SLC7A14: variants seen among roughly 807,000 people sequenced by gnomAD.
SLC7A14 encodes solute carrier family 7 member 14.
SLC7A14 carries 37 observed loss-of-function variants against 60.2 expected under a neutral mutation model. The observed-to-expected ratio is 0.61, with a 90% CI of 0.47 to 0.81. The LOEUF (loss-of-function observed/expected upper bound fraction) is 0.81, where lower values mean the gene tolerates loss of function less well. Among genes scored for constraint, SLC7A14 ranks in the 30% least tolerant of loss-of-function variants. SLC7A14 has a pLI of 0.00. For synonymous variants in SLC7A14, 399 were observed against 395.8 expected, an observed-to-expected ratio of 1.01 and a Z score of -0.10; for missense variants, 886 against 982.7, an observed-to-expected ratio of 0.90 and a Z score of 1.32.
At chr3:170,479,399 A>T (rs12497049) in intron 7 of SLC7A14, among the ~76,000 whole-genome samples, 80,495 of 152,074 alleles carry the variant, frequency 0.53, 23,181 homozygotes, top group Middle Eastern at 0.67. Context: ...AGTTCTTACT[A>T]GCATCAATCC....
chr3:170,533,772 G>A (rs1047844487), intron 1 of SLC7A14, among the ~76,000 whole-genome samples: 3 of 152,100 alleles, frequency 2.0e-5, no homozygotes, highest in African/African-American at 4.8e-5. Flanking sequence ...TTAGATGTAC[G>A]ATTGGCTTTA....
intron 1 of SLC7A14, among the ~76,000 whole-genome samples, chr3:170,531,080 G>A (rs1713666491): frequency 6.6e-6 from 1 of 152,184 alleles, no homozygotes; most frequent in African/African-American, 2.4e-5. Flanking sequence ...TAATTTGCCT[G>A]AAGTATGGCC....
rs146830635 is a variant in SLC7A14, at chr3:170,467,130, C to T, written c.2241G>A (p.Ala747=). The change falls in exon 8 of 8, where the codon GCG becomes GCA. Residue 747 remains alanine, a synonymous_variant. Transcript: ENST00000231706. ...TCTGTTTGTGTTTGCTTTTGCTCTT[C>T]GCTTTGCTACTTGTCCGGCCGTTTG... ...AKANGRTSSK[A]KSKSKHKQNS... 6.6e-5 allele frequency: 106 copies of T among 1,614,238 alleles called. No homozygotes were observed. The African/African-American group carries it at 8.1e-4, about 12-fold the overall frequency.
At chr3:170,557,221 T>C (rs1714510224) in intron 1 of SLC7A14, among the ~76,000 whole-genome samples, 1 of 152,206 alleles carries the variant, frequency 6.6e-6, no homozygotes, top group Non-Finnish European at 1.5e-5. Flanking sequence ...CATCCAGGAC[T>C]TTCTAACAGG....
chr3:170,572,820 G>A (rs1714991403), intron 1 of SLC7A14, among the ~76,000 whole-genome samples: 3 of 152,210 alleles, frequency 2.0e-5, no homozygotes, highest in Admixed American at 2.0e-4. Flanking sequence ...TAGAAAGTGT[G>A]TCAAAAGTCT....
intron 1 of SLC7A14, among the ~76,000 whole-genome samples, chr3:170,536,814 TCTC>T (rs1713855767): frequency 2.6e-5 from 4 of 152,144 alleles, no homozygotes; most frequent in Non-Finnish European, 5.9e-5. Context: ...AAAATTCTGG[TCTC>T]CTCATCCCAA....
In SLC7A14 at chr3:170,585,054, G is replaced by T. The variant is rs1241830749; in HGVS notation, c.-153+857C>A. ...GCAATATAAAATACTCATTTGGGGA[G>T]GGGGCAGGGTGACACAGGAGAGAGA... On this transcript the variant is annotated intron_variant, in intron 1 of 7. Transcript: ENST00000231706. The surrounding 1 kb of genome is among the most constrained non-coding windows in gnomAD (Gnocchi z 5.1). Among the ~76,000 whole-genome samples, 2 of 152,198 alleles carry T rather than the reference G, an allele frequency of 1.3e-5. No homozygotes were observed. Among genetic ancestry groups the T allele is most frequent in the Non-Finnish European group, 2.9e-5 (2 of 68,030 alleles).
intron 6 of SLC7A14, among the ~76,000 whole-genome samples, chr3:170,482,476 C>T (rs1395155990): frequency 6.6e-6 from 1 of 152,350 alleles, no homozygotes; most frequent in East Asian, 1.9e-4. Context: ...CACCTGAGAG[C>T]TCCTTGGCCT....
intron 1 of SLC7A14, among the ~76,000 whole-genome samples, chr3:170,565,601 C>T (rs985669808): frequency 6.6e-6 from 1 of 152,090 alleles, no homozygotes; most frequent in Non-Finnish European, 1.5e-5. Flanking sequence ...CATCCGGAAC[C>T]CTGCAGCTTG....
At chr3:170,498,607 G>T in intron 4 of SLC7A14, 60 bp downstream of exon 4, 4 of 1,477,136 alleles carry the variant, frequency 2.7e-6, no homozygotes, top group Non-Finnish European at 3.8e-6. Context: ...GTCTTAGGTT[G>T]GTCACAGGGT....
chr3:170,467,404 T>C, intron 7 of SLC7A14, 27 bp from the exon 8 acceptor site: 1 of 1,503,990 alleles, frequency 6.6e-7, no homozygotes, highest in South Asian at 1.4e-5. Flanking sequence ...AAGGTACAGG[T>C]GAATAAGCAA....
At chr3:170,556,193 C>G (rs927970557) in intron 1 of SLC7A14, among the ~76,000 whole-genome samples, 1 of 152,156 alleles carries the variant, frequency 6.6e-6, no homozygotes, top group African/African-American at 2.4e-5. Flanking sequence ...GGTTTTTGTA[C>G]TTTCAGACCT....
At chr3:170,472,761 C>T (rs1416154395) in intron 7 of SLC7A14, among the ~76,000 whole-genome samples, 1 of 145,130 alleles carries the variant, frequency 6.9e-6, no homozygotes, top group Non-Finnish European at 1.5e-5. Flanking sequence ...AGTGAAGACT[C>T]CGTCTCAAAA....
intron 1 of SLC7A14, among the ~76,000 whole-genome samples, chr3:170,581,370 G>C (rs1184182049): frequency 6.6e-6 from 1 of 151,936 alleles, no homozygotes; most frequent in African/African-American, 2.4e-5. Context: ...GTTCATTATT[G>C]ATGATTACTT....
chr3:170,485,808 C>A (rs1215476179), intron 5 of SLC7A14, among the ~76,000 whole-genome samples: 1 of 152,176 alleles, frequency 6.6e-6, no homozygotes, highest in African/African-American at 2.4e-5. Context: ...GGGAGCCTCG[C>A]CTCTTTGCTG....
At chr3:170,579,366 CA>C (rs1329842746) in intron 1 of SLC7A14, among the ~76,000 whole-genome samples, 2 of 152,158 alleles carry the variant, frequency 1.3e-5, no homozygotes, top group Admixed American at 6.5e-5. Flanking sequence ...ACCATTTTGT[CA>C]ACAGAATGTT....
At chr3:170,503,855 G>T (rs1712687343) in intron 2 of SLC7A14, among the ~76,000 whole-genome samples, 1 of 152,180 alleles carries the variant, frequency 6.6e-6, no homozygotes, top group Admixed American at 6.5e-5. Context: ...CTTGTGAATG[G>T]ACCAGTCCAT....
At chr3:170,564,193 T>C (rs1273466347) in intron 1 of SLC7A14, among the ~76,000 whole-genome samples, 1 of 151,984 alleles carries the variant, frequency 6.6e-6, no homozygotes, top group Non-Finnish European at 1.5e-5. Context: ...CCCTGACCAG[T>C]GGGGAATTGC....
chr3:170,563,714 C>T (rs1309642766), intron 1 of SLC7A14, among the ~76,000 whole-genome samples: 3 of 152,182 alleles, frequency 2.0e-5, no homozygotes, highest in Non-Finnish European at 4.4e-5. Context: ...AGCCACCGCG[C>T]CCGGCCCAAC....
Sources: allele counts gnomAD v4.1 joint callset (sites outside exome capture counted in the v4.1 genomes callset), GRCh38; gene constraint gnomAD v4.1.1; non-coding constraint Gnocchi (gnomAD v3.1); transcripts MANE v1.5; gene names NCBI Gene and HGNC (gene_info 2026-07-23, HGNC 2026-07-21).